Variants in TMEM117 observed in about 807,000 individuals in gnomAD.
TMEM117 encodes transmembrane protein 117.
In TMEM117, 27 loss-of-function variants were observed where a neutral mutation model predicts 52.4. The observed-to-expected ratio is 0.51, with a 90% CI of 0.38 to 0.71. The LOEUF (loss-of-function observed/expected upper bound fraction) is 0.71, where lower values mean the gene tolerates loss of function less well. Ranked by LOEUF, TMEM117 falls within the 30% of genes least tolerant of loss-of-function variation. The pLI is 0.00. For missense variants in TMEM117, 556 were observed against 630.5 expected (o/e 0.88, Z 1.26); for synonymous variants, 215 against 206.3 (o/e 1.04, Z -0.36).
At chr12:44,026,081 A>G (rs1044354469) in intron 3 of TMEM117, among the ~76,000 whole-genome samples, 6 of 152,174 alleles carry the variant, frequency 3.9e-5, no homozygotes, top group Non-Finnish European at 8.8e-5. Context: ...TTGTGGCTAT[A>G]GCAGGTGACC....
At chr12:44,106,049 T>A (rs1277244007) in intron 3 of TMEM117, among the ~76,000 whole-genome samples, 2 of 152,092 alleles carry the variant, frequency 1.3e-5, no homozygotes, top group Non-Finnish European at 2.9e-5. Flanking sequence ...CAGGTTTTTC[T>A]GTCCTGGCAC....
intron 3 of TMEM117, among the ~76,000 whole-genome samples, chr12:44,132,145 C>G (rs1207745850): frequency 1.3e-5 from 2 of 149,396 alleles, no homozygotes; most frequent in East Asian, 2.0e-4. Flanking sequence ...GGGAGACCCT[C>G]AATTGTTAAT....
At chr12:43,891,771 A>G (rs1357002625) in intron 2 of TMEM117, among the ~76,000 whole-genome samples, 1 of 152,038 alleles carries the variant, frequency 6.6e-6, no homozygotes, top group Non-Finnish European at 1.5e-5. Context: ...TAAAACTACC[A>G]TACTCATATT....
rs56170922 is a variant in TMEM117, at chr12:43,912,507, TTATATATATATATATA to T, written c.278-31689_278-31674del. ...AAACTTAAAGTATAATAATAATAAT[TTATATATATATATATA>T]TATATATATATATGGCAGAATGAAA... On this transcript the variant is annotated intron_variant, in intron 2 of 7. Coordinates refer to ENST00000266534, the MANE Select transcript of TMEM117 (RefSeq NM_032256.3). Among the ~76,000 whole-genome samples, 34 of 132,058 alleles carry T rather than the reference TTATATATATATATATA, an allele frequency of 2.6e-4. 2 individuals carry two copies. The East Asian group carries it at 5.3e-3, about 20-fold the overall frequency. The allele number at this position is 132,058 out of a possible 152,430, so 86.6% of individuals were successfully genotyped here.
chr12:43,874,026 C>T (rs1222941519), intron 2 of TMEM117, among the ~76,000 whole-genome samples: 1 of 151,714 alleles, frequency 6.6e-6, no homozygotes, highest in African/African-American at 2.4e-5. Context: ...TTGTTATATT[C>T]TAGTCTTACA....
chr12:43,972,174 A>C (rs958629286), intron 3 of TMEM117, among the ~76,000 whole-genome samples: 1 of 152,214 alleles, frequency 6.6e-6, no homozygotes, highest in Non-Finnish European at 1.5e-5. Context: ...AACAGGAAGG[A>C]GATACTATGG....
At chr12:43,834,441 C>T (rs1217819593), upstream of TMEM117, among the ~76,000 whole-genome samples, 2 of 152,002 alleles carry the variant, frequency 1.3e-5, no homozygotes, top group South Asian at 2.1e-4. Flanking sequence ...GAGTTCATAG[C>T]GTAGTGGGAG....
chr12:44,089,202 A>G (rs1314865751), intron 3 of TMEM117, among the ~76,000 whole-genome samples: 1 of 152,188 alleles, frequency 6.6e-6, no homozygotes, highest in African/African-American at 2.4e-5. Flanking sequence ...AGGAAGGATG[A>G]ATTTATAGAA....
chr12:44,176,959 T>G (rs1333398236), intron 4 of TMEM117, among the ~76,000 whole-genome samples: 2 of 152,164 alleles, frequency 1.3e-5, no homozygotes, highest in African/African-American at 4.8e-5. Context: ...CATGGAGGAC[T>G]AGCTCAGGAA....
At chr12:43,864,060 T>C (rs1943538325) in intron 2 of TMEM117, among the ~76,000 whole-genome samples, 1 of 152,204 alleles carries the variant, frequency 6.6e-6, no homozygotes, top group African/African-American at 2.4e-5. Flanking sequence ...GAGGGTGCGC[T>C]GGGTCCCCCA....
chr12:44,104,117 A>G (rs1947911360), intron 3 of TMEM117, among the ~76,000 whole-genome samples: 1 of 152,054 alleles, frequency 6.6e-6, no homozygotes, highest in Admixed American at 6.6e-5. Context: ...ATCACTCATT[A>G]CTACTATTTC....
At chr12:43,812,415 C>T in the TMEM117 span, among the ~76,000 whole-genome samples, 1 of 152,294 alleles carries the variant, frequency 6.6e-6, no homozygotes, top group Non-Finnish European at 1.5e-5. Flanking sequence ...GCTTGACCCA[C>T]CTTTTCTTTC....
At chr12:43,829,122 G>GA in the TMEM117 span, among the ~76,000 whole-genome samples, 1 of 151,986 alleles carries the variant, frequency 6.6e-6, no homozygotes, top group Non-Finnish European at 1.5e-5. Context: ...TCATTGCCTG[G>GA]AATTTCTTTC....
chr12:44,018,169 C>A (rs1475517959), intron 3 of TMEM117, among the ~76,000 whole-genome samples: 1 of 152,016 alleles, frequency 6.6e-6, no homozygotes. Flanking sequence ...AGATAAGAAA[C>A]ATAAAAATGT....
chr12:44,251,727 C>T (rs745422308), intron 5 of TMEM117, among the ~76,000 whole-genome samples: 4 of 152,162 alleles, frequency 2.6e-5, no homozygotes, highest in Non-Finnish European at 5.9e-5. Context: ...TAACTCTATA[C>T]CCTGGGTGGT....
intron 3 of TMEM117, among the ~76,000 whole-genome samples, chr12:44,132,260 T>G (rs1231686604): frequency 6.6e-6 from 1 of 151,482 alleles, no homozygotes; most frequent in African/African-American, 2.4e-5. Context: ...ATGGGACTCA[T>G]ATGTGTATGT....
intron 5 of TMEM117, among the ~76,000 whole-genome samples, chr12:44,266,570 T>A (rs1020547175): frequency 1.3e-5 from 2 of 152,178 alleles, no homozygotes; most frequent in Non-Finnish European, 2.9e-5. Flanking sequence ...AGTTTGTGGC[T>A]TGCATTTTCA....
intron 2 of TMEM117, among the ~76,000 whole-genome samples, chr12:43,916,950 T>C (rs920008854): frequency 6.6e-6 from 1 of 152,136 alleles, no homozygotes; most frequent in Non-Finnish European, 1.5e-5. Flanking sequence ...GTCAGATCCA[T>C]GTTAAGGTTG....
At chr12:44,060,155 C>T (rs1247506979) in intron 3 of TMEM117, among the ~76,000 whole-genome samples, 2 of 152,130 alleles carry the variant, frequency 1.3e-5, no homozygotes, top group South Asian at 2.1e-4. Context: ...AGCTGCTAGC[C>T]CAGTGACTAG....
Sources: allele counts gnomAD v4.1 joint callset (sites outside exome capture counted in the v4.1 genomes callset), GRCh38; gene constraint gnomAD v4.1.1; transcripts MANE v1.5; gene names NCBI Gene and HGNC (gene_info 2026-07-23, HGNC 2026-07-21).